MYO16: variants seen among roughly 807,000 people sequenced by gnomAD.
MYO16 encodes unconventional myosin-XVI.
A neutral mutation model predicts 205.3 loss-of-function variants in MYO16; 94 were observed. The ratio of observed to expected loss-of-function variants is 0.46; its 90% CI spans 0.39 to 0.54. The LOEUF (loss-of-function observed/expected upper bound fraction) is 0.54, where lower values mean the gene tolerates loss of function less well. Among genes scored for constraint, MYO16 ranks in the 20% least tolerant of loss-of-function variants. The pLI, the probability that MYO16 is intolerant of heterozygous loss-of-function variation, is 0.00. For missense variants in MYO16, 2,315 were observed against 2,387.5 expected (o/e 0.97, Z 0.63); for synonymous variants, 988 against 954.0 (o/e 1.04, Z -0.66).
intron 28 of MYO16, among the ~76,000 whole-genome samples, chr13:109,119,286 T>A (rs1315358330): frequency 6.6e-6 from 1 of 152,234 alleles, no homozygotes; most frequent in African/African-American, 2.4e-5. Flanking sequence ...GGTGTTATCA[T>A]TTTAATGTCC....
At chr13:108,702,644 C>T (rs1883356011) in intron 2 of MYO16, among the ~76,000 whole-genome samples, 1 of 151,932 alleles carries the variant, frequency 6.6e-6, no homozygotes, top group Admixed American at 6.6e-5. Context: ...TATAAAAAAA[C>T]AGTATTGCCT....
intron 23 of MYO16, among the ~76,000 whole-genome samples, chr13:109,034,981 G>A (rs1204238328): frequency 2.0e-5 from 3 of 152,176 alleles, no homozygotes; most frequent in Non-Finnish European, 2.9e-5. Flanking sequence ...AATTATCCCA[G>A]CACATGGCCC....
At chr13:109,186,922 A>G (rs143379411) in intron 34 of MYO16, among the ~76,000 whole-genome samples, 3 of 152,300 alleles carry the variant, frequency 2.0e-5, no homozygotes, top group Non-Finnish European at 4.4e-5. Flanking sequence ...GCTCATGGAC[A>G]TTTTCAACTG....
intron 27 of MYO16, among the ~76,000 whole-genome samples, chr13:109,059,415 C>T (rs1168395279): frequency 6.6e-6 from 1 of 152,146 alleles, no homozygotes; most frequent in African/African-American, 2.4e-5. Flanking sequence ...TTTTGGGTGA[C>T]CAGGTGCATT....
intron 11 of MYO16, among the ~76,000 whole-genome samples, chr13:108,862,352 G>T (rs1878487092): frequency 6.6e-6 from 1 of 152,134 alleles, no homozygotes; most frequent in Non-Finnish European, 1.5e-5. Context: ...ACTCTCTTGG[G>T]ATTTCAGCAT....
chr13:108,636,662 G>A (rs1051223059), intron 1 of MYO16, among the ~76,000 whole-genome samples: 2 of 152,118 alleles, frequency 1.3e-5, no homozygotes, highest in African/African-American at 4.8e-5. Context: ...ACAGGCGTGA[G>A]CCACTGTGCC....
chr13:108,770,125 T>A (rs1885914171), intron 4 of MYO16, among the ~76,000 whole-genome samples: 1 of 152,272 alleles, frequency 6.6e-6, no homozygotes, highest in South Asian at 2.1e-4. Context: ...TAAAAAATGA[T>A]TATATAAAAC....
chr13:108,909,920 T>C, intron 15 of MYO16, 83 bp from the exon 16 acceptor site: 1 of 1,388,118 alleles, frequency 7.2e-7, no homozygotes, highest in South Asian at 1.3e-5. Context: ...CTTGTATCTC[T>C]TGTAATTAAT....
chr13:108,593,517 C>T (rs910597000), upstream of MYO16, among the ~76,000 whole-genome samples: 1 of 152,088 alleles, frequency 6.6e-6, no homozygotes, highest in African/African-American at 2.4e-5. Flanking sequence ...GAGTATGAAG[C>T]CCCACGGACG....
chr13:108,638,995 G>A (rs9587641), intron 1 of MYO16, among the ~76,000 whole-genome samples: 1 of 152,028 alleles, frequency 6.6e-6, no homozygotes, highest in Admixed American at 6.6e-5. Context: ...TGCGTAGTGC[G>A]TTCAAAGCAA....
chr13:108,588,390 G>A, the MYO16 span, among the ~76,000 whole-genome samples: 1 of 152,162 alleles, frequency 6.6e-6, no homozygotes, highest in African/African-American at 2.4e-5. Flanking sequence ...TAGGTAGAGA[G>A]GGTAGTATGG....
At chr13:108,612,554 G>A (rs1264946764) in intron 1 of MYO16, among the ~76,000 whole-genome samples, 1 of 152,072 alleles carries the variant, frequency 6.6e-6, no homozygotes, top group Non-Finnish European at 1.5e-5. Context: ...GGGTTAAAAT[G>A]TCAAACAAGA....
chr13:109,123,529 A>G (rs1185878744), intron 29 of MYO16, among the ~76,000 whole-genome samples: 2 of 152,088 alleles, frequency 1.3e-5, no homozygotes, highest in South Asian at 2.1e-4. Flanking sequence ...TGCCCATCAC[A>G]TGGTTCATAC....
chr13:108,669,630 A>G (rs1881895360), intron 2 of MYO16, among the ~76,000 whole-genome samples: 1 of 152,176 alleles, frequency 6.6e-6, no homozygotes. Context: ...GTCTGTTCAT[A>G]TCCCTCACCC....
At chr13:108,575,134 G>A in the MYO16 span, among the ~76,000 whole-genome samples, 15 of 152,126 alleles carry the variant, frequency 9.9e-5, 1 homozygote, top group East Asian at 1.2e-3. Flanking sequence ...TCTATCCTAT[G>A]ATGACCTTTG....
chr13:108,997,290 CAGAA>C (rs1200455422), intron 21 of MYO16, among the ~76,000 whole-genome samples: 9 of 82,944 alleles, frequency 1.1e-4, no homozygotes, highest in African/African-American at 3.8e-4. Flanking sequence ...CAAGACCATG[CAGAA>C]AGAAAGAAAG....
At chr13:108,572,715 A>G in the MYO16 span, among the ~76,000 whole-genome samples, 1 of 152,102 alleles carries the variant, frequency 6.6e-6, no homozygotes, top group Non-Finnish European at 1.5e-5. Flanking sequence ...TATATTCCTC[A>G]TGATTTCAAC....
intron 32 of MYO16, among the ~76,000 whole-genome samples, chr13:109,148,210 G>T (rs893522180): frequency 3.9e-5 from 6 of 152,080 alleles, no homozygotes; most frequent in Non-Finnish European, 8.8e-5. Context: ...TCTATGTTAA[G>T]AGCACAAAGC....
intron 4 of MYO16, among the ~76,000 whole-genome samples, chr13:108,778,520 G>A (rs1359136931): frequency 6.6e-6 from 1 of 152,218 alleles, no homozygotes; most frequent in Non-Finnish European, 1.5e-5. Flanking sequence ...CTGGGAGGCT[G>A]AGGCAGGAGA....
Sources: allele counts gnomAD v4.1 joint callset (sites outside exome capture counted in the v4.1 genomes callset), GRCh38; gene constraint gnomAD v4.1.1; transcripts MANE v1.5; gene names NCBI Gene and HGNC (gene_info 2026-07-23, HGNC 2026-07-21).